RSRC2: variants seen among roughly 807,000 people sequenced by gnomAD.
RSRC2 encodes arginine and serine rich coiled-coil 2.
A neutral mutation model predicts 61.3 loss-of-function variants in RSRC2; 5 were observed. The ratio of observed to expected loss-of-function variants is 0.08; its 90% confidence interval spans 0.04 to 0.17. The LOEUF (loss-of-function observed/expected upper bound fraction) is 0.17. RSRC2 is among the 10% of genes least tolerant of loss of function. The pLI, the probability that RSRC2 is intolerant of heterozygous loss-of-function variation, is 1.00. For synonymous variants in RSRC2, 202 were observed against 166.5 expected (o/e 1.21, Z -1.64); for missense variants, 381 against 518.8 (o/e 0.73, Z 2.58).
At chr12:122,509,329 A>T (rs1284688770) in intron 7 of RSRC2, among the ~76,000 whole-genome samples, 1 of 152,122 alleles carries the variant, frequency 6.6e-6, no homozygotes, top group African/African-American at 2.4e-5. Context: ...AGGCGCCTAT[A>T]AGCCCAGGTA....
chr12:122,516,712 C>T (rs928858611), intron 5 of RSRC2, among the ~76,000 whole-genome samples: 3 of 152,098 alleles, frequency 2.0e-5, no homozygotes, highest in Admixed American at 6.6e-5. Flanking sequence ...TTGTTTGTTA[C>T]GACAGGATTC....
At chr12:122,515,464 T>C (rs907963692) in intron 5 of RSRC2, among the ~76,000 whole-genome samples, 1 of 152,156 alleles carries the variant, frequency 6.6e-6, no homozygotes, top group Non-Finnish European at 1.5e-5. Flanking sequence ...TGGCCTCCAG[T>C]GATCCTCCTG....
intron 1 of RSRC2, 67 bp downstream of exon 1, chr12:122,526,781 C>G (rs371792034): frequency 6.4e-7 from 1 of 1,567,294 alleles, no homozygotes; most frequent in Non-Finnish European, 8.8e-7. Context: ...GTTCTGGGAG[C>G]CGTTCACCCA....
chr12:122,509,820 A>T (rs755310454), intron 7 of RSRC2, among the ~76,000 whole-genome samples: 1 of 152,106 alleles, frequency 6.6e-6, no homozygotes, highest in East Asian at 1.9e-4. Context: ...CTTCGTGATA[A>T]TTTTTTGTTT....
rs373062588 is a variant in RSRC2, at chr12:122,511,116, T to A, written c.798A>T (p.Ile266=). The change falls in exon 7 of 10, where the codon ATA becomes ATT. Residue 266 remains isoleucine, a synonymous_variant. Transcript: ENST00000331738. ...AAGAATGAAAAAAATTACCTGCAGCTATTTCTTGTTGTTTTTGTTTTTCAA... is the reference window on the plus strand; with the variant it reads ...AAGAATGAAAAAAATTACCTGCAGCAATTTCTTGTTGTTTTTGTTTTTCAA... ...EMVEKQKQQE[I]AAAAATGGSV... is the part of the protein sequence containing the mutation. 6.3e-7 allele frequency: 1 copy of A among 1,598,972 alleles called. No homozygotes were observed. The highest frequency in any genetic ancestry group is 1.3e-5 in the African/African-American group (1 of 74,768).
chr12:122,524,988 C>G (rs1959858343), intron 1 of RSRC2, among the ~76,000 whole-genome samples: 1 of 152,126 alleles, frequency 6.6e-6, no homozygotes, highest in Admixed American at 6.5e-5. Context: ...AGGAGGTAAG[C>G]ACTGGATTGA....
rs1169838098 is a variant in RSRC2 at position 122,525,801 on chromosome 12, GTTTTTTTTTTTTTTTTTTTTT to G, written c.6+1026_6+1046del. ...GTAGCTCCTCTGGGGTCAACGAAGAGTTTTTTTTTTTTTTTTTTTTTTTTTTTTTTTTTTTTTTGAGACGGA... is the reference window on the plus strand; with the variant it reads ...GTAGCTCCTCTGGGGTCAACGAAGAGTTTTTTTTTTTTTTTTTGAGACGGA... On this transcript the variant is annotated intron_variant, in intron 1 of 9. Transcript: ENST00000331738. Among the ~76,000 whole-genome samples, 15 of 21,502 alleles carry G rather than the reference GTTTTTTTTTTTTTTTTTTTTT, an allele frequency of 7.0e-4. 4 individuals are homozygous for G. The highest frequency in any genetic ancestry group is 1.9e-3 in the African/African-American group (5 of 2,686). 14.1% of individuals were successfully genotyped at this position (21,502 alleles called of 152,430 possible).
At chr12:122,516,868 T>C (rs575073869) in intron 5 of RSRC2, among the ~76,000 whole-genome samples, 1 of 152,240 alleles carries the variant, frequency 6.6e-6, no homozygotes, top group African/African-American at 2.4e-5. Flanking sequence ...AATTTTCATA[T>C]CTTTTGTAGA....
rs1414118633 is a variant in RSRC2 at position 122,525,812 on chromosome 12, T to C, written c.6+1036A>G. On this transcript the variant is annotated intron_variant, in intron 1 of 9. Coordinates refer to ENST00000331738, the MANE Select transcript of RSRC2 (RefSeq NM_023012.6). ...GGGGTCAACGAAGAGTTTTTTTTTT[T>C]TTTTTTTTTTTTTTTTTTTTTTTTT... Among the ~76,000 whole-genome samples, 5 of 6,342 alleles carry C rather than the reference T, an allele frequency of 7.9e-4. No individual in the cohort carries two copies. In the South Asian group the frequency reaches 0.021, roughly 27 times the overall value. The allele number at this position is 6,342 out of a possible 152,430, so 4.2% of individuals were successfully genotyped here. A position where few individuals can be genotyped will look rare whatever the true frequency, so the allele number is the denominator to read the frequency against.
chr12:122,526,169 CTG>C (rs1361706697), intron 1 of RSRC2: 5 of 152,382 alleles, frequency 3.3e-5, no homozygotes, highest in Admixed American at 6.5e-5. Context: ...CAAGACTTAA[CTG>C]TAACGCTTCT....
intron 3 of RSRC2, 32 bp from the exon 4 acceptor site, chr12:122,519,061 A>C: frequency 6.3e-7 from 1 of 1,586,222 alleles, no homozygotes; most frequent in Non-Finnish European, 8.6e-7. Context: ...TCTTTCAGGA[A>C]AATAGTGCAA....
intron 1 of RSRC2, among the ~76,000 whole-genome samples, chr12:122,525,298 C>T (rs1959960810): frequency 6.6e-6 from 1 of 152,116 alleles, no homozygotes; most frequent in South Asian, 2.1e-4. Flanking sequence ...ATCGCTTGAA[C>T]CCGGGAGGCG....
chr12:122,514,914 A>G lies in RSRC2; in HGVS notation c.725+191T>C, dbSNP rs911942238. On this transcript the variant is annotated intron_variant, in intron 6 of 9. Transcript: ENST00000331738. ...GAAGGAAAAAACAGAAATTGTAGAC[A>G]TCTCAATCTTATAGTTGTGCAAATG... The G allele has an allele frequency of 5.6e-6, 4 of 712,836 alleles. No individual in the cohort carries two copies. The Admixed American group carries it at 1.0e-4, about 18-fold the overall frequency. The allele number at this position is 712,836 out of a possible 1,614,324, so 44.2% of individuals were successfully genotyped here. A position where few individuals can be genotyped will look rare whatever the true frequency, so the allele number is the denominator to read the frequency against.
At chr12:122,515,970 C>T (rs912290111) in intron 5 of RSRC2, among the ~76,000 whole-genome samples, 1 of 152,058 alleles carries the variant, frequency 6.6e-6, no homozygotes, top group Non-Finnish European at 1.5e-5. Context: ...GCCTGGGCGA[C>T]AGAGTGAGAC....
chr12:122,526,873 T>C lies in RSRC2; in HGVS notation c.-20A>G, dbSNP rs754671577. Reference sequence around the variant, plus strand: ...CGCCATAGTTCAGAGTCCCGGCCGCTAGAGCGGCGCCTCCACTTGTCGCTT... The same window carrying C: ...CGCCATAGTTCAGAGTCCCGGCCGCCAGAGCGGCGCCTCCACTTGTCGCTT... On this transcript the variant is annotated 5_prime_UTR_variant, in exon 1 of 10. Transcript: ENST00000331738. 2 of 1,614,166 alleles carry C rather than the reference T, an allele frequency of 1.2e-6. No homozygotes were observed. The highest frequency in any genetic ancestry group is 1.7e-6 in the Non-Finnish European group (2 of 1,179,966).
chr12:122,516,475 G>A (rs1958934556), intron 5 of RSRC2, among the ~76,000 whole-genome samples: 1 of 152,096 alleles, frequency 6.6e-6, no homozygotes, highest in Non-Finnish European at 1.5e-5. Flanking sequence ...CCTGCTCCTG[G>A]CTCTAGCACT....
At chr12:122,511,843 G>A (rs1482986464) in intron 6 of RSRC2, among the ~76,000 whole-genome samples, 1 of 152,084 alleles carries the variant, frequency 6.6e-6, no homozygotes, top group East Asian at 1.9e-4. Context: ...GTCTCACTCT[G>A]TTGCCCAGGC....
At chr12:122,512,084 G>GCT (rs758659461) in intron 6 of RSRC2, among the ~76,000 whole-genome samples, 5 of 152,160 alleles carry the variant, frequency 3.3e-5, no homozygotes, top group Non-Finnish European at 7.3e-5. Context: ...GGCATTACAG[G>GCT]CGTGAGCCAC....
At chr12:122,506,029 G>A (rs375618473) in intron 9 of RSRC2, among the ~76,000 whole-genome samples, 3 of 150,292 alleles carry the variant, frequency 2.0e-5, no homozygotes, top group Non-Finnish European at 4.4e-5. Context: ...CCCCCCTGCC[G>A]CCTGCCCCCC....
Sources: allele counts gnomAD v4.1 joint callset (sites outside exome capture counted in the v4.1 genomes callset), GRCh38; gene constraint gnomAD v4.1.1; transcripts MANE v1.5; gene names NCBI Gene and HGNC (gene_info 2026-07-23, HGNC 2026-07-21).